SETBP1: variants seen among roughly 807,000 people sequenced by gnomAD.
SETBP1 encodes the protein SET-binding protein.
SETBP1 carries 9 observed loss-of-function variants against 101.0 expected under a neutral mutation model. That is an observed-to-expected ratio of 0.09 (90% confidence interval 0.05 to 0.16). SETBP1 has a LOEUF of 0.16. Among genes scored for constraint, SETBP1 ranks in the 10% least tolerant of loss-of-function variants. The pLI, the probability that SETBP1 is intolerant of heterozygous loss-of-function variation, is 1.00. For synonymous variants in SETBP1, 818 were observed against 788.5 expected, an observed-to-expected ratio of 1.04 and a Z score of -0.63; for missense variants, 1,858 against 2,033.8, an observed-to-expected ratio of 0.91 and a Z score of 1.66.
chr18:44,930,409 T>C (rs2070802641), intron 3 of SETBP1, among the ~76,000 whole-genome samples: 1 of 152,190 alleles, frequency 6.6e-6, no homozygotes, highest in Admixed American at 6.5e-5. Flanking sequence ...TTTTTTGTTG[T>C]GTCTCTGCCA....
intron 2 of SETBP1, among the ~76,000 whole-genome samples, chr18:44,752,754 A>G (rs1220876318): frequency 6.6e-6 from 1 of 152,228 alleles, no homozygotes; most frequent in Non-Finnish European, 1.5e-5. Context: ...GAGGCAGCAT[A>G]GAGAGTTATC....
chr18:44,903,764 C>T (rs1475349100), intron 3 of SETBP1, among the ~76,000 whole-genome samples: 1 of 152,206 alleles, frequency 6.6e-6, no homozygotes, highest in African/African-American at 2.4e-5. Context: ...CACAAACAGT[C>T]ATCAGACCCA....
intron 5 of SETBP1, among the ~76,000 whole-genome samples, chr18:45,044,615 G>A (rs188640969): frequency 6.6e-6 from 1 of 152,270 alleles, no homozygotes; most frequent in Non-Finnish European, 1.5e-5. Flanking sequence ...ATGGCCAAGG[G>A]AAGCCCAGGG....
At chr18:44,701,893 C>G in intron 2 of SETBP1, 61 bp downstream of exon 2, 1 of 1,568,806 alleles carries the variant, frequency 6.4e-7, no homozygotes, top group Non-Finnish European at 8.6e-7. Context: ...ATTTTATCCT[C>G]AACTTCTTAG....
intron 3 of SETBP1, among the ~76,000 whole-genome samples, chr18:44,925,007 GTTTTTTTTTTTTT>G (rs60718477): frequency 0.04 from 1,828 of 46,044 alleles, 27 homozygotes; most frequent in Admixed American, 0.055. Flanking sequence ...TCCTGTGTGA[GTTTTTTTTTTTTT>G]TTTTTTTTTT....
At chr18:44,994,499 A>T (rs758441733) in intron 4 of SETBP1, among the ~76,000 whole-genome samples, 3 of 152,212 alleles carry the variant, frequency 2.0e-5, no homozygotes, top group African/African-American at 7.2e-5. Context: ...TTAAAGATAC[A>T]CATTTCCCAC....
chr18:45,028,337 A>C (rs1170624630), intron 4 of SETBP1, among the ~76,000 whole-genome samples: 7 of 152,028 alleles, frequency 4.6e-5, no homozygotes, highest in Admixed American at 4.6e-4. Flanking sequence ...AAAGGACATG[A>C]ACTCATCATT....
intron 3 of SETBP1, among the ~76,000 whole-genome samples, chr18:44,942,962 A>G (rs1004703887): frequency 2.0e-5 from 3 of 152,206 alleles, no homozygotes; most frequent in East Asian, 1.9e-4. Flanking sequence ...GGATGGGTTC[A>G]GTTTACATAT....
At chr18:44,910,441 G>A (rs2070280318) in intron 3 of SETBP1, among the ~76,000 whole-genome samples, 1 of 152,192 alleles carries the variant, frequency 6.6e-6, no homozygotes, top group African/African-American at 2.4e-5. Context: ...GATGGAGTCA[G>A]GAAGATGAAA....
chr18:44,730,117 T>A (rs186174681), intron 2 of SETBP1, among the ~76,000 whole-genome samples: 6 of 152,318 alleles, frequency 3.9e-5, no homozygotes, highest in Admixed American at 3.9e-4. Context: ...CTGCCCTTGT[T>A]ATATGGGTAG....
chr18:44,973,401 G>A (rs1308731461), intron 4 of SETBP1, among the ~76,000 whole-genome samples: 1 of 152,150 alleles, frequency 6.6e-6, no homozygotes, highest in Non-Finnish European at 1.5e-5. Context: ...AAACAAATGT[G>A]TATTAAGCAG....
intron 2 of SETBP1, among the ~76,000 whole-genome samples, chr18:44,703,504 T>C (rs935021411): frequency 2.0e-5 from 3 of 151,754 alleles, no homozygotes; most frequent in Non-Finnish European, 4.4e-5. Flanking sequence ...TTGTTGCATT[T>C]AAAATCCAAA....
chr18:44,971,461 A>G (rs1397110482), intron 4 of SETBP1, among the ~76,000 whole-genome samples: 2 of 152,226 alleles, frequency 1.3e-5, no homozygotes, highest in East Asian at 3.9e-4. Context: ...ACCGACTTCC[A>G]CAATGGTTGA....
At chr18:44,872,329 C>T (rs1386785636) in intron 3 of SETBP1, among the ~76,000 whole-genome samples, 4 of 151,992 alleles carry the variant, frequency 2.6e-5, no homozygotes, top group Non-Finnish European at 5.9e-5. Context: ...ACCTCAGAAT[C>T]ATACACAATG....
chr18:45,064,435 T>A lies in SETBP1; in HGVS notation c.*737T>A, dbSNP rs1166043583. The A allele has an allele frequency of 6.6e-6, 1 of 151,448 alleles. No homozygotes were observed. Among genetic ancestry groups the A allele is most frequent in the Non-Finnish European group, 1.5e-5 (1 of 67,806 alleles). The allele number at this position is 151,448 out of a possible 1,614,324, so 9.4% of individuals were successfully genotyped here. On this transcript the variant is annotated 3_prime_UTR_variant, in exon 6 of 6. Coordinates refer to ENST00000649279, the MANE Select transcript of SETBP1 (RefSeq NM_015559.3). The stretch of plus-strand genomic sequence containing the variant: ...CTTTTCATTAACTTACTTGCTGCCT[T>A]TTTTTTTTCTTGGTACACATTTAAA...
rs184583650 is a variant in SETBP1 at position 44,865,152 on chromosome 18, C to T, written c.487-4078C>T. Among the ~76,000 whole-genome samples, 252 of 152,282 alleles carry T rather than the reference C, an allele frequency of 1.7e-3. 1 individual carries two copies. The highest frequency in any genetic ancestry group is 6.8e-3 in the Middle Eastern group (2 of 294). ...TTTCTGCAGAGGTGCTCAGGGTTAG[C>T]AGACTTAACCAATCCTATTTTTAAC... is the stretch of plus-strand genomic sequence containing the variant. On this transcript the variant is annotated intron_variant, in intron 2 of 5. Transcript: ENST00000649279.
intron 2 of SETBP1, among the ~76,000 whole-genome samples, chr18:44,734,588 C>T (rs897737741): frequency 6.6e-6 from 1 of 152,198 alleles, no homozygotes; most frequent in African/African-American, 2.4e-5. Context: ...TTCCATACTT[C>T]TGTTTACATT....
intron 5 of SETBP1, among the ~76,000 whole-genome samples, chr18:45,057,742 A>G (rs1050894564): frequency 6.6e-6 from 1 of 152,238 alleles, no homozygotes; most frequent in Non-Finnish European, 1.5e-5. Context: ...TCTAGAAGTA[A>G]ATTTGCCTCC....
intron 2 of SETBP1, among the ~76,000 whole-genome samples, chr18:44,723,864 G>T (rs889551782): frequency 1.3e-5 from 2 of 152,092 alleles, no homozygotes; most frequent in Non-Finnish European, 2.9e-5. Flanking sequence ...AATAATGGTC[G>T]CAGCCAAGAC....
Sources: allele counts gnomAD v4.1 joint callset (sites outside exome capture counted in the v4.1 genomes callset), GRCh38; gene constraint gnomAD v4.1.1; transcripts MANE v1.5; gene names NCBI Gene and HGNC (gene_info 2026-07-23, HGNC 2026-07-21).